The following PCDHGA10 variants were observed in gnomAD, a reference collection of about 807,000 sequenced individuals.
The protein encoded by PCDHGA10 is protocadherin gamma-A10.
PCDHGA10 carries 42 observed loss-of-function variants against 59.5 expected under a neutral mutation model. The observed-to-expected ratio is 0.71, with a 90% CI of 0.55 to 0.91. The LOEUF (loss-of-function observed/expected upper bound fraction) is 0.91. Among genes scored for constraint, PCDHGA10 ranks in the 40% least tolerant of loss-of-function variants. The probability of loss-of-function intolerance (pLI) is 0.00; values close to 1 mark genes in which losing one functional copy is unlikely to be tolerated. For synonymous variants in PCDHGA10, 511 were observed against 517.2 expected, an observed-to-expected ratio of 0.99 and a Z score of 0.16; for missense variants, 1,111 against 1,198.2, an observed-to-expected ratio of 0.93 and a Z score of 1.07.
chr5:141,421,388 G>A (rs369403750), intron 1 of PCDHGA10: 1 of 1,613,934 alleles, frequency 6.2e-7, no homozygotes, highest in Non-Finnish European at 8.5e-7. Context: ...AAGGACCTGG[G>A]GCTGGAGCCC....
intron 1 of PCDHGA10, among the ~76,000 whole-genome samples, chr5:141,456,859 A>C (rs2098893194): frequency 6.6e-6 from 1 of 152,152 alleles, no homozygotes; most frequent in Admixed American, 6.6e-5. Context: ...GCTAATTGGG[A>C]GGCTGAGGCA....
At chr5:141,448,990 T>C (rs1419678645) in intron 1 of PCDHGA10, among the ~76,000 whole-genome samples, 1 of 152,070 alleles carries the variant, frequency 6.6e-6, no homozygotes, top group Non-Finnish European at 1.5e-5. Flanking sequence ...TATTAATATA[T>C]AGAAAGCTGT....
intron 1 of PCDHGA10, chr5:141,478,265 G>A: frequency 6.2e-7 from 1 of 1,614,196 alleles, no homozygotes; most frequent in African/African-American, 1.3e-5. Context: ...CATATTCAAA[G>A]TTTACAAGTG....
intron 1 of PCDHGA10, among the ~76,000 whole-genome samples, chr5:141,443,035 CTT>C (rs2098359592): frequency 6.6e-6 from 1 of 152,208 alleles, no homozygotes; most frequent in African/African-American, 2.4e-5. Context: ...CAGACCTAAA[CTT>C]TGAAAATTAT....
intron 1 of PCDHGA10, among the ~76,000 whole-genome samples, chr5:141,449,588 C>CA (rs768743917): frequency 0.036 from 2,064 of 56,756 alleles, 20 homozygotes; most frequent in Middle Eastern, 0.06. Context: ...GACTCTGTCT[C>CA]AAAAAAAAAA....
chr5:141,459,117 T>A (rs1489347692), intron 1 of PCDHGA10, among the ~76,000 whole-genome samples: 1 of 152,224 alleles, frequency 6.6e-6, no homozygotes, highest in Non-Finnish European at 1.5e-5. Flanking sequence ...GACAATTGTT[T>A]ACATCTGTGT....
At chr5:141,507,106 A>T (rs1205648425) in intron 3 of PCDHGA10, 1 of 152,118 alleles carries the variant, frequency 6.6e-6, no homozygotes, top group African/African-American at 2.4e-5. Context: ...TACTATAGGG[A>T]CCATGGCTGC....
In PCDHGA10 at chr5:141,491,665, C is replaced by A; in HGVS notation, c.2437-3142C>A. 1 of 1,613,764 alleles carries A rather than the reference C, an allele frequency of 6.2e-7. No individual in the cohort carries two copies. Among genetic ancestry groups the A allele is most frequent in the Admixed American group, 1.7e-5 (1 of 60,034 alleles). On this transcript the variant is annotated intron_variant, in intron 1 of 3. Coordinates refer to ENST00000398610, the MANE Select transcript of PCDHGA10 (RefSeq NM_018913.3). The surrounding 1 kb of genome is among the most constrained non-coding windows in gnomAD (Gnocchi z 6.9). ...TCTGGCGCTGGAGCCTGACGCCATCCGGTCCCGCTCTAATACGCTGCGGGA... is the reference window on the plus strand; with the variant it reads ...TCTGGCGCTGGAGCCTGACGCCATCAGGTCCCGCTCTAATACGCTGCGGGA...
At chr5:141,423,084 G>C (rs1427825232) in intron 1 of PCDHGA10, 2 of 1,613,942 alleles carry the variant, frequency 1.2e-6, no homozygotes, top group Non-Finnish European at 1.7e-6. Flanking sequence ...GACTCTTCGC[G>C]GTGGGGGAGC....
At chr5:141,423,187 C>G in intron 1 of PCDHGA10, 5 of 1,613,640 alleles carry the variant, frequency 3.1e-6, no homozygotes, top group Middle Eastern at 1.6e-4. Context: ...CGGCCAGCCC[C>G]CTCTCTCGGC....
chr5:141,424,768 A>G (rs143190880), intron 1 of PCDHGA10: 38 of 152,284 alleles, frequency 2.5e-4, no homozygotes, highest in African/African-American at 9.1e-4. Context: ...TCTTATGGCA[A>G]ATAGTACATT....
At chr5:141,478,963 A>G (rs193236728) in intron 1 of PCDHGA10, among the ~76,000 whole-genome samples, 5 of 152,322 alleles carry the variant, frequency 3.3e-5, no homozygotes, top group East Asian at 1.9e-4. Context: ...TCATTCCTCC[A>G]CCTTTCAAGT....
intron 1 of PCDHGA10, among the ~76,000 whole-genome samples, chr5:141,474,234 T>C (rs1458919904): frequency 6.6e-6 from 1 of 152,204 alleles, no homozygotes; most frequent in Non-Finnish European, 1.5e-5. Flanking sequence ...TAAGTGATGC[T>C]GAATAGGGGA....
At chr5:141,436,668 C>CA (rs1159051861) in intron 1 of PCDHGA10, among the ~76,000 whole-genome samples, 1 of 151,748 alleles carries the variant, frequency 6.6e-6, no homozygotes, top group South Asian at 2.1e-4. Flanking sequence ...AGTGGTTGAC[C>CA]AAAAAAAGGA....
rs1446853595 is a variant in PCDHGA10 at position 141,491,363 on chromosome 5, C to A, written c.2437-3444C>A. The A allele has an allele frequency of 1.2e-6, 2 of 1,614,182 alleles. No homozygotes were observed. Among genetic ancestry groups the A allele is most frequent in the South Asian group, 2.2e-5 (2 of 91,082 alleles). On this transcript the variant is annotated intron_variant, in intron 1 of 3. Coordinates refer to ENST00000398610, the MANE Select transcript of PCDHGA10 (RefSeq NM_018913.3). The surrounding 1 kb of genome is among the most constrained non-coding windows in gnomAD (Gnocchi z 6.9). ...ACCGTCAGTCTCTTATCCCTAGTCA[C>A]CTTCACCTTTCTGTCAGCGAAGTGC...
At chr5:141,418,499 G>A (rs775606988) in intron 1 of PCDHGA10, 1 of 1,613,962 alleles carries the variant, frequency 6.2e-7, no homozygotes, top group Non-Finnish European at 8.5e-7. Context: ...GGTACTGACC[G>A]CCTTAGATGG....
Position 141,421,230 on chromosome 5 carries a change from G to A in PCDHGA10, c.2436+5619G>A, listed in dbSNP as rs530853994. 1.9e-6 allele frequency: 3 copies of A among 1,590,132 alleles called. No individual in the cohort carries two copies. The East Asian group carries it at 6.7e-5, about 36-fold the overall frequency. The stretch of plus-strand genomic sequence containing the variant: ...GGAATATCGGCTTAGAGCCTGCCAT[G>A]GCGAATCGGCTACAGCGCGGGGACC... On this transcript the variant is annotated intron_variant, in intron 1 of 3. Coordinates refer to ENST00000398610, the MANE Select transcript of PCDHGA10 (RefSeq NM_018913.3).
chr5:141,432,991 CG>C lies in PCDHGA10; in HGVS notation c.2436+17384del. 1.9e-6 allele frequency: 3 copies of C among 1,614,200 alleles called. No homozygotes were observed. Among genetic ancestry groups the C allele is most frequent in the Non-Finnish European group, 2.5e-6 (3 of 1,180,030 alleles). On this transcript the variant is annotated intron_variant, in intron 1 of 3. Transcript: ENST00000398610. This position sits in a 1 kb window ranked among gnomAD's most constrained non-coding sequence, Gnocchi z 6.0. ...CGGCGTCGCACTTTGTGGGCGTGGACGGGGTGCAGGCTTTCCTGCAGACCTA... is the reference window on the plus strand; with the variant it reads ...CGGCGTCGCACTTTGTGGGCGTGGACGGGTGCAGGCTTTCCTGCAGACCTA...
intron 1 of PCDHGA10, 50 bp downstream of exon 1, chr5:141,415,661 T>C: frequency 6.3e-7 from 1 of 1,582,308 alleles, no homozygotes; most frequent in East Asian, 2.3e-5. Flanking sequence ...AAGATTGGTT[T>C]TTACTTTGAA....
Sources: gnomAD v4.1 joint callset for allele counts (sites outside exome capture counted in the v4.1 genomes callset) on GRCh38, gnomAD v4.1.1 for gene constraint, Gnocchi (gnomAD v3.1) non-coding constraint, MANE v1.5 for transcripts, NCBI Gene and HGNC (gene_info 2026-07-23, HGNC 2026-07-21) for gene names.